SIGLEC1: variants seen among roughly 807,000 people sequenced by gnomAD.
The protein encoded by SIGLEC1 is sialic acid binding Ig like lectin 1.
Under a neutral mutation model 148.0 loss-of-function variants are expected in SIGLEC1, and 132 were observed. The ratio of observed to expected loss-of-function variants is 0.89; its 90% confidence interval spans 0.77 to 1.03. The LOEUF (loss-of-function observed/expected upper bound fraction) is 1.03, where lower values mean the gene tolerates loss of function less well. SIGLEC1 is among the 50% of genes least tolerant of loss of function. SIGLEC1 has a pLI of 0.00. For synonymous variants in SIGLEC1, 945 were observed against 969.0 expected (o/e 0.98, Z 0.46); for missense variants, 2,253 against 2,271.4 (o/e 0.99, Z 0.16).
At chr20:3,701,315 C>A in intron 7 of SIGLEC1, 27 bp downstream of exon 7, 1 of 1,576,450 alleles carries the variant, frequency 6.3e-7, no homozygotes, top group South Asian at 1.2e-5. Context: ...TCCCTCCACT[C>A]TCCCTGGCTG....
Position 3,712,145 on chromosome 20 carries a change from G to T in SIGLEC1, c.-110+325C>A, listed in dbSNP as rs769546080. 2.6e-5 allele frequency among the ~76,000 whole-genome samples: 4 copies of T among 151,428 alleles called. No homozygotes were observed. In the East Asian group the frequency reaches 5.8e-4, roughly 22 times the overall value. ...TTGGGATTAGATGAGATGAGTAAAT[G>T]GTTAGGGTTGGGGTGCAAGTGAGGT... On this transcript the variant is annotated intron_variant, in intron 1 of 21. Coordinates refer to ENST00000344754, the MANE Select transcript of SIGLEC1 (RefSeq NM_023068.4).
chr20:3,704,256 C>A (rs992127539), intron 4 of SIGLEC1, among the ~76,000 whole-genome samples, 165 bp from the exon 5 acceptor site: 6 of 152,206 alleles, frequency 3.9e-5, no homozygotes, highest in African/African-American at 1.4e-4. Context: ...TGCCCATGTC[C>A]GTCCCTTTCC....
chr20:3,711,070 C>T (rs1348916450), intron 1 of SIGLEC1, among the ~76,000 whole-genome samples: 1 of 152,208 alleles, frequency 6.6e-6, no homozygotes, highest in African/African-American at 2.4e-5. Context: ...CACGCAGCGC[C>T]CCCTGGTGGT....
At chr20:3,698,519 C>T (rs898399938) in intron 8 of SIGLEC1, among the ~76,000 whole-genome samples, 2 of 152,244 alleles carry the variant, frequency 1.3e-5, no homozygotes, top group African/African-American at 4.8e-5. Flanking sequence ...TACCACGGAG[C>T]CTCCCCTCAA....
At position 3,691,968 on chromosome 20, in the gene SIGLEC1, G is replaced by T; in HGVS notation, c.4265C>A (p.Thr1422Asn). 1 of 1,610,936 alleles carries T rather than the reference G, an allele frequency of 6.2e-7. No individual in the cohort carries two copies. The highest frequency in any genetic ancestry group is 8.5e-7 in the Non-Finnish European group (1 of 1,177,832). ...CAAGTTTTGGGCTGTGCAAACATAG[G>T]TGTCATCACCTGCAGGCACATCTTG... Reference protein sequence around the residue: ...QVQDVPAGDDTYVCTAQNLLG... With the variant: ...QVQDVPAGDDNYVCTAQNLLG... The change falls in exon 17 of 22, where the codon ACC becomes AAC. Residue 1422 changes from threonine to asparagine, a missense_variant. Thr to Asn is a moderately conservative substitution (Grantham distance 65). Transcript: ENST00000344754.
Position 3,712,537 on chromosome 20 carries a change from A to G in SIGLEC1, c.-177T>C, listed in dbSNP as rs1370561981. 1.3e-5 allele frequency among the ~76,000 whole-genome samples: 2 copies of G among 152,140 alleles called. No individual in the cohort carries two copies. Among genetic ancestry groups the G allele is most frequent in the Non-Finnish European group, 2.9e-5 (2 of 68,012 alleles). On this transcript the variant is annotated 5_prime_UTR_variant, in exon 1 of 22. Coordinates refer to ENST00000344754, the MANE Select transcript of SIGLEC1 (RefSeq NM_023068.4). ...GGAGAGGAGAACAGGAAGGACGGCC[A>G]AGAGCTCCTGGTGCAGCTGGCTCCC...
At chr20:3,693,747 T>C in intron 13 of SIGLEC1, 49 bp from the exon 14 acceptor site, 1 of 1,513,558 alleles carries the variant, frequency 6.6e-7, no homozygotes, top group Non-Finnish European at 8.9e-7. Flanking sequence ...TGAGGCTGTG[T>C]ACAGCAGGCC....
At chr20:3,711,480 C>G (rs1291332651) in intron 1 of SIGLEC1, among the ~76,000 whole-genome samples, 1 of 152,150 alleles carries the variant, frequency 6.6e-6, no homozygotes, top group Non-Finnish European at 1.5e-5. Flanking sequence ...GACAGCTAGG[C>G]CCGGGTGTAG....
In SIGLEC1 at chr20:3,687,388, G is replaced by C. The variant is rs2088709770; in HGVS notation, c.*1172C>G. On this transcript the variant is annotated 3_prime_UTR_variant, in exon 22 of 22. Transcript: ENST00000344754. ...ATGAACAGAGATGCATCTGGAGCAG[G>C]AATAAGGATGCTGACAACATCTGTG... 6.6e-6 allele frequency: 1 copy of C among 152,252 alleles called. No homozygotes were observed. Among genetic ancestry groups the C allele is most frequent in the Non-Finnish European group, 1.5e-5 (1 of 68,082 alleles). 9.4% of individuals were successfully genotyped at this position (152,252 alleles called of 1,614,324 possible). A position where few individuals can be genotyped will look rare whatever the true frequency, so the allele number is the denominator to read the frequency against.
At chr20:3,698,618 G>C (rs1221613862) in intron 8 of SIGLEC1, among the ~76,000 whole-genome samples, 1 of 152,230 alleles carries the variant, frequency 6.6e-6, no homozygotes, top group African/African-American at 2.4e-5. Context: ...AAGGCTTCTG[G>C]AGACAGTTGG....
chr20:3,696,139 CAA>C (rs1491513060), intron 11 of SIGLEC1, among the ~76,000 whole-genome samples: 7,210 of 141,380 alleles, frequency 0.051, 198 homozygotes, highest in African/African-American at 0.073. Flanking sequence ...TACACACACA[CAA>C]ACACACACAC....
chr20:3,706,183 G>T, intron 3 of SIGLEC1, 143 bp from the exon 4 acceptor site: 1 of 1,284,922 alleles, frequency 7.8e-7, no homozygotes, highest in Non-Finnish European at 1.1e-6. Context: ...CCCCACTTGG[G>T]TGAATACAAG....
At position 3,697,972 on chromosome 20, in the gene SIGLEC1, CT is replaced by C; in HGVS notation, c.1947del (p.Gly651ValfsTer13). The part of the protein sequence containing the change: ...KDRVVATSLP[S>X]GGGCSTCGGC... Reference sequence around the variant, plus strand: ...CCCCCACAGGTGCTGCAGCCACCCCCTGATGGCAGGGAAGTGGCCACAACAC... The same window carrying C: ...CCCCCACAGGTGCTGCAGCCACCCCCGATGGCAGGGAAGTGGCCACAACAC... On this transcript the variant is annotated frameshift_variant, in exon 9 of 22. Transcript: ENST00000344754. LOFTEE classifies it high-confidence loss of function. 1.9e-6 allele frequency: 3 copies of C among 1,611,872 alleles called. No homozygotes were observed. Among genetic ancestry groups the C allele is most frequent in the Non-Finnish European group, 2.5e-6 (3 of 1,179,292 alleles).
chr20:3,706,856 T>C, intron 2 of SIGLEC1, 150 bp from the exon 3 acceptor site: 1 of 1,123,114 alleles, frequency 8.9e-7, no homozygotes, highest in South Asian at 1.6e-5. Flanking sequence ...GCAGCCCTTC[T>C]CAGTGCCCCA....
chr20:3,696,865 A>G lies in SIGLEC1; in HGVS notation c.2404T>C (p.Ser802Pro), dbSNP rs200783349. 2.8e-5 allele frequency: 43 copies of G among 1,559,484 alleles called. No individual in the cohort carries two copies. Among genetic ancestry groups the G allele is most frequent in the Non-Finnish European group, 3.7e-5 (43 of 1,153,572 alleles). ...CCCTGGCCCATGTCTAGGAGGGCTG[A>G]CAGCTTTGGACGGTCCGGGGGATCT... ...VLYPPDRPKLSALLDMGQGHM... is the reference protein window; with the variant it reads ...VLYPPDRPKLPALLDMGQGHM... Residue 802 changes from serine (S) to proline (P), a missense_variant, in exon 11 of 22, where the codon TCA (serine) becomes CCA (proline). Physicochemically the swap from Ser to Pro is moderately conservative, Grantham distance 74. Transcript: ENST00000344754.
In SIGLEC1 at chr20:3,692,515, G is replaced by A. The variant is rs1419574357; in HGVS notation, c.4030+6C>T. The A allele has an allele frequency of 6.3e-7, 1 of 1,584,334 alleles. No individual in the cohort carries two copies. The highest frequency in any genetic ancestry group is 8.5e-7 in the Non-Finnish European group (1 of 1,171,264). ...GGGCAGCCCTGGCCAAGGACCCTCT[G>A]CTCACAGAGGACTTGCAGGGCAGCA... On this transcript the variant is annotated splice_donor_region_variant and intron_variant, in intron 16 of 21. Transcript: ENST00000344754.
Position 3,692,739 on chromosome 20 carries a change from A to G in SIGLEC1, c.3812T>C (p.Val1271Ala). Residue 1271 changes from valine to alanine, a missense_variant, in exon 16 of 22, where the codon GTG becomes GCG. Transcript: ENST00000344754. ...VRVILAPEAA[V>A]PEGAPITVTC... ...CACTGTGATGGGGGCACCTTCAGGC[A>G]CGGCAGCCTCCGGAGCCAGGATCAC... 6.2e-7 allele frequency: 1 copy of G among 1,611,878 alleles called. No homozygotes were observed. Among genetic ancestry groups the G allele is most frequent in the Non-Finnish European group, 8.5e-7 (1 of 1,179,572 alleles).
In SIGLEC1 at chr20:3,692,559, C is replaced by T. The variant is rs1027134557; in HGVS notation, c.3992G>A (p.Gly1331Asp). The change falls in exon 16 of 22, where the codon GGC becomes GAC. Residue 1331 changes from glycine (G) to aspartate (D), a missense_variant. Gly to Asp is a moderately conservative substitution (Grantham distance 94). Coordinates refer to ENST00000344754, the MANE Select transcript of SIGLEC1 (RefSeq NM_023068.4). ...AYSCQAQDAQ[G>D]TRSSRPAALQ... The stretch of plus-strand genomic sequence containing the variant: ...GGCAGCAGGACGGGAGCTGCGGGTG[C>T]CCTGGGCATCCTGGGCCTGGCAAGA... 1 of 1,607,678 alleles carries T rather than the reference C, an allele frequency of 6.2e-7. No individual in the cohort carries two copies. Among genetic ancestry groups the T allele is most frequent in the Non-Finnish European group, 8.5e-7 (1 of 1,179,192 alleles).
Position 3,710,740 on chromosome 20 carries a change from G to T in SIGLEC1, c.-110+1730C>A, listed in dbSNP as rs1004920102. Among the ~76,000 whole-genome samples the T allele has an allele frequency of 1.3e-5, 2 of 152,194 alleles. No homozygotes were observed. The highest frequency in any genetic ancestry group is 4.8e-5 in the African/African-American group (2 of 41,446). On this transcript the variant is annotated intron_variant, in intron 1 of 21. Coordinates refer to ENST00000344754, the MANE Select transcript of SIGLEC1 (RefSeq NM_023068.4). This position sits in a 1 kb window ranked among gnomAD's most constrained non-coding sequence, Gnocchi z 4.6. Reference sequence around the variant, plus strand: ...CAATCGTGAACCTGATGGAAGAATGGTGGGGTTCTGGACACAGCGACCCTG... The same window carrying T: ...CAATCGTGAACCTGATGGAAGAATGTTGGGGTTCTGGACACAGCGACCCTG...
Sources: gnomAD v4.1 joint callset for allele counts (sites outside exome capture counted in the v4.1 genomes callset) on GRCh38, gnomAD v4.1.1 for gene constraint, Gnocchi (gnomAD v3.1) non-coding constraint, MANE v1.5 for transcripts, NCBI Gene and HGNC (gene_info 2026-07-23, HGNC 2026-07-21) for gene names.